KIAA0319: variants seen among roughly 807,000 people sequenced by gnomAD.
KIAA0319 encodes the protein KIAA0319, also known as dyslexia-associated protein KIAA0319.
Under a neutral mutation model 108.4 loss-of-function variants are expected in KIAA0319, and 83 were observed. The observed-to-expected ratio is 0.77, with a 90% confidence interval of 0.64 to 0.92. The LOEUF is 0.92. Among genes scored for constraint, KIAA0319 ranks in the 40% least tolerant of loss-of-function variants. KIAA0319 has a pLI of 0.00. For missense variants in KIAA0319, 1,195 were observed against 1,322.4 expected, an observed-to-expected ratio of 0.90 and a Z score of 1.49; for synonymous variants, 484 against 510.4, an observed-to-expected ratio of 0.95 and a Z score of 0.70.
Position 24,599,194 on chromosome 6 carries a change from T to A in KIAA0319, c.55+1855A>T, listed in dbSNP as rs1770226708. The stretch of plus-strand genomic sequence containing the variant: ...TGTAGCCAGGCCGGGGCTGACAGCC[T>A]GTACCAGGTCAAGTATGAGGAGCTG... On this transcript the variant is annotated intron_variant, in intron 2 of 20. Coordinates refer to ENST00000378214, the MANE Select transcript of KIAA0319 (RefSeq NM_014809.4). This position sits in a 1 kb window ranked among gnomAD's most constrained non-coding sequence, Gnocchi z 4.1. The A allele has an allele frequency of 1.8e-6, 1 of 541,118 alleles. No individual in the cohort carries two copies. The highest frequency in any genetic ancestry group is 3.4e-6 in the Non-Finnish European group (1 of 295,600). 33.5% of individuals were successfully genotyped at this position (541,118 alleles called of 1,614,324 possible). A position where few individuals can be genotyped will look rare whatever the true frequency, so the allele number is the denominator to read the frequency against.
At chr6:24,592,504 A>C (rs1056948367) in intron 3 of KIAA0319, among the ~76,000 whole-genome samples, 1 of 152,150 alleles carries the variant, frequency 6.6e-6, no homozygotes, top group African/African-American at 2.4e-5. Context: ...AGCCTCAAGC[A>C]GTTCTCCTAC....
chr6:24,625,204 C>G (rs1395301025), intron 1 of KIAA0319, among the ~76,000 whole-genome samples: 1 of 152,030 alleles, frequency 6.6e-6, no homozygotes. Context: ...AGATAAATGA[C>G]AAAATTAGAA....
intron 3 of KIAA0319, among the ~76,000 whole-genome samples, chr6:24,593,691 G>A (rs1768910955): frequency 1.3e-5 from 2 of 151,568 alleles, no homozygotes; most frequent in Admixed American, 1.3e-4. Context: ...ATGAGACACT[G>A]CTCCCGGCCC....
intron 4 of KIAA0319, among the ~76,000 whole-genome samples, chr6:24,585,686 T>C (rs868408618): frequency 7.2e-4 from 109 of 152,332 alleles, no homozygotes; most frequent in African/African-American, 2.3e-3. Flanking sequence ...ATTTGTCTCT[T>C]ATATACCTAT....
chr6:24,597,432 C>T (rs1445335004), intron 2 of KIAA0319, among the ~76,000 whole-genome samples: 1 of 152,122 alleles, frequency 6.6e-6, no homozygotes, highest in Non-Finnish European at 1.5e-5. Flanking sequence ...TGGAGTGCAC[C>T]GTTCCTTTGT....
intron 1 of KIAA0319, among the ~76,000 whole-genome samples, chr6:24,620,747 C>A (rs1175321905): frequency 1.3e-5 from 2 of 152,158 alleles, no homozygotes. Flanking sequence ...GCTCTGGAGG[C>A]TTGAAGGGAG....
At chr6:24,636,661 C>T (rs1371948999) in intron 1 of KIAA0319, among the ~76,000 whole-genome samples, 1 of 152,088 alleles carries the variant, frequency 6.6e-6, no homozygotes, top group Non-Finnish European at 1.5e-5. Context: ...CAACAGTTTA[C>T]AAATGAATAA....
At chr6:24,641,914 C>CT (rs1225354913) in intron 1 of KIAA0319, among the ~76,000 whole-genome samples, 1 of 151,346 alleles carries the variant, frequency 6.6e-6, no homozygotes, top group Non-Finnish European at 1.5e-5. Flanking sequence ...CGCCTGTAGT[C>CT]TCAGTTACTC....
At chr6:24,609,273 C>CAAA (rs886616830) in intron 1 of KIAA0319, among the ~76,000 whole-genome samples, 4 of 74,858 alleles carry the variant, frequency 5.3e-5, no homozygotes, top group African/African-American at 1.8e-4. Context: ...GTCTCAAAAA[C>CAAA]AAAAAAAAAA....
At chr6:24,612,891 C>T (rs918770529) in intron 1 of KIAA0319, among the ~76,000 whole-genome samples, 1 of 152,062 alleles carries the variant, frequency 6.6e-6, no homozygotes, top group Non-Finnish European at 1.5e-5. Context: ...CTCCGCCTCC[C>T]CGGTTCACGC....
downstream of KIAA0319, among the ~76,000 whole-genome samples, chr6:24,541,536 G>A (rs969942518): frequency 1.3e-5 from 2 of 152,228 alleles, no homozygotes; most frequent in Admixed American, 6.5e-5. Flanking sequence ...AGTGGCTCAC[G>A]CCAGTAATCC....
Position 24,587,152 on chromosome 6 carries a change from C to G in KIAA0319, c.994+1441G>C, listed in dbSNP as rs552863569. Among the ~76,000 whole-genome samples, 5 of 152,312 alleles carry G rather than the reference C, an allele frequency of 3.3e-5. No individual in the cohort carries two copies. In the East Asian group the frequency reaches 7.7e-4, roughly 23 times the overall value. ...ACATTCATTCAATCACTTATCAAAT[C>G]TTTGTGACTCTGCTCCCTTCCTGTC... On this transcript the variant is annotated intron_variant, in intron 4 of 20. Transcript: ENST00000378214.
chr6:24,594,647 A>C (rs919026603), intron 3 of KIAA0319, among the ~76,000 whole-genome samples: 70 of 152,074 alleles, frequency 4.6e-4, no homozygotes, highest in East Asian at 1.4e-3. Context: ...AACAACAAAA[A>C]AAAAAAACAC....
chr6:24,565,608 C>T (rs532943784), intron 14 of KIAA0319, among the ~76,000 whole-genome samples: 5 of 151,754 alleles, frequency 3.3e-5, no homozygotes, highest in Non-Finnish European at 5.9e-5. Context: ...CAAAAATTAG[C>T]TGGACGTGGT....
At chr6:24,574,643 A>G (rs1271798589) in intron 10 of KIAA0319, among the ~76,000 whole-genome samples, 1 of 152,034 alleles carries the variant, frequency 6.6e-6, no homozygotes, top group Non-Finnish European at 1.5e-5. Flanking sequence ...ATTACAATTT[A>G]TTTACTTTTA....
chr6:24,634,506 A>T (rs1456638211), intron 1 of KIAA0319, among the ~76,000 whole-genome samples: 6 of 152,206 alleles, frequency 3.9e-5, no homozygotes, highest in Admixed American at 3.3e-4. Flanking sequence ...CAAAGTGTGT[A>T]TTTTCATGGG....
intron 1 of KIAA0319, among the ~76,000 whole-genome samples, chr6:24,608,951 A>AC (rs1771865277): frequency 6.8e-6 from 1 of 146,390 alleles, no homozygotes; most frequent in Non-Finnish European, 1.5e-5. Flanking sequence ...AAAAAAAAAA[A>AC]AAAAAAGGCA....
At chr6:24,571,680 T>C (rs148771653) in intron 11 of KIAA0319, among the ~76,000 whole-genome samples, 1 of 152,198 alleles carries the variant, frequency 6.6e-6, no homozygotes, top group African/African-American at 2.4e-5. Context: ...AATCTTCGAA[T>C]GTACCAGACT....
At chr6:24,591,389 T>C (rs1768436669) in intron 3 of KIAA0319, among the ~76,000 whole-genome samples, 1 of 152,154 alleles carries the variant, frequency 6.6e-6, no homozygotes, top group African/African-American at 2.4e-5. Flanking sequence ...AGGAGGATTC[T>C]TTAAGCCCAG....
Sources: gnomAD v4.1 joint callset for allele counts (sites outside exome capture counted in the v4.1 genomes callset) on GRCh38, gnomAD v4.1.1 for gene constraint, Gnocchi (gnomAD v3.1) non-coding constraint, MANE v1.5 for transcripts, NCBI Gene and HGNC (gene_info 2026-07-23, HGNC 2026-07-21) for gene names.